The following ZNF785 variants were observed in gnomAD, a reference collection of about 807,000 sequenced individuals.
The protein encoded by ZNF785 is zinc finger protein 785.
Under a neutral mutation model 11.3 loss-of-function variants are expected in ZNF785, and 15 were observed. That is an observed-to-expected ratio of 1.32 (90% CI 0.89 to 2.04). The LOEUF (loss-of-function observed/expected upper bound fraction) is 2.04. Ranked by LOEUF, ZNF785 falls within the 30% of genes most tolerant of loss-of-function variation. ZNF785 has a pLI of 0.00. For synonymous variants in ZNF785, 221 were observed against 231.0 expected (o/e 0.96, Z 0.39); for missense variants, 572 against 560.9 (o/e 1.02, Z -0.20).
rs1476330328 is a variant in ZNF785, at chr16:30,585,417, C to T, written c.195G>A (p.Leu65=). The T allele has an allele frequency of 1.3e-6, 2 of 1,590,726 alleles. No homozygotes were observed. Among genetic ancestry groups the T allele is most frequent in the Non-Finnish European group, 1.7e-6 (2 of 1,169,804 alleles). Residue 65 remains leucine, a synonymous_variant, in exon 1 of 3, where the codon CTG becomes CTA. Transcript: ENST00000395216. This position sits in a 1 kb window ranked among gnomAD's most constrained non-coding sequence, Gnocchi z 4.0. ...AGGGCCCGGCCTCACCCAGCGCGCC[C>T]AGGTGGCCGAAGGTCTCCCGCATCA... ...RDVMRETFGH[L]GALGFSVPKP...
Position 30,583,387 on chromosome 16 carries a change from CTTTTTGTTTT to C in ZNF785, c.381_390del (p.Lys128ArgfsTer28), listed in dbSNP as rs535168451. ...TTGACAGCCACTTCATGCGCCACCTCTTTTTGTTTTGGACACTTCTTCAGCCTTTCCTTCT... is the reference window on the plus strand; with the variant it reads ...TTGACAGCCACTTCATGCGCCACCTCGGACACTTCTTCAGCCTTTCCTTCT... On this transcript the variant is annotated frameshift_variant, in exon 3 of 3. Coordinates refer to ENST00000395216, the MANE Select transcript of ZNF785 (RefSeq NM_152458.7). LOFTEE classifies it low-confidence loss of function (END_TRUNC). 3.5e-4 allele frequency: 554 copies of C among 1,604,062 alleles called. 5 individuals carry two copies. The Middle Eastern group carries it at 7.9e-3, about 23-fold the overall frequency.
At chr16:30,579,809 C>G (rs571496780), downstream of ZNF785, 1 of 456,058 alleles carries the variant, frequency 2.2e-6, no homozygotes, top group African/African-American at 2.0e-5. Context: ...TTTGTTCATT[C>G]CTTCAAAAGT....
At chr16:30,583,561 A>C in intron 2 of ZNF785, 118 bp from the exon 3 acceptor site, 1 of 1,381,320 alleles carries the variant, frequency 7.2e-7, no homozygotes, top group Non-Finnish European at 9.8e-7. Context: ...GGCAGCAGGA[A>C]TGGTTCAGAA....
In ZNF785 at chr16:30,585,271, G is replaced by T. The variant is rs145414236; in HGVS notation, c.206-21C>A. 3.5e-3 allele frequency: 5,618 copies of T among 1,612,594 alleles called. 159 individuals are homozygous for T. In the African/African-American group the frequency reaches 0.062, roughly 18 times the overall value. On this transcript the variant is annotated intron_variant, in intron 1 of 2. Coordinates refer to ENST00000395216, the MANE Select transcript of ZNF785 (RefSeq NM_152458.7). The surrounding 1 kb of genome is among the most constrained non-coding windows in gnomAD (Gnocchi z 4.0). ...AAATCCTGCGAAGGAGAAACAATGG[G>T]CTCGGCTGAGCGCACGGGAGGGGAG...
chr16:30,585,654 G>A lies in ZNF785; in HGVS notation c.-43C>T, dbSNP rs953600522. 2.1e-6 allele frequency: 3 copies of A among 1,448,172 alleles called. No homozygotes were observed. Among genetic ancestry groups the A allele is most frequent in the Admixed American group, 5.7e-5 (2 of 35,352 alleles). The allele number at this position is 1,448,172 out of a possible 1,614,324, so 89.7% of individuals were successfully genotyped here. ...TGGCAAAGGGAGGCTTCCGGGGAAGGTGGAGATGCTGGCGCTTTCCTGTCT... is the reference window on the plus strand; with the variant it reads ...TGGCAAAGGGAGGCTTCCGGGGAAGATGGAGATGCTGGCGCTTTCCTGTCT... On this transcript the variant is annotated 5_prime_UTR_variant, in exon 1 of 3. Coordinates refer to ENST00000395216, the MANE Select transcript of ZNF785 (RefSeq NM_152458.7). This position sits in a 1 kb window ranked among gnomAD's most constrained non-coding sequence, Gnocchi z 4.0.
In ZNF785 at chr16:30,582,776, G is replaced by C; in HGVS notation, c.1002C>G (p.His334Gln). ...SSLLLSHRRI[H>Q]SDSRPFPCVE... The stretch of plus-strand genomic sequence containing the variant: ...CGCAGGGGAAGGGCCGGCTGTCGGA[G>C]TGAATGCGCCGGTGACTGAGGAGGA... The change falls in exon 3 of 3, where the codon CAC becomes CAG. Residue 334 changes from histidine to glutamine, a missense_variant. Transcript: ENST00000395216. The C allele has an allele frequency of 1.2e-6, 2 of 1,607,466 alleles. No individual in the cohort carries two copies. The highest frequency in any genetic ancestry group is 1.7e-6 in the Non-Finnish European group (2 of 1,175,574).
At chr16:30,579,613 C>T (rs924037537), downstream of ZNF785, 7 of 345,702 alleles carry the variant, frequency 2.0e-5, no homozygotes, top group African/African-American at 1.5e-4. Context: ...CTCCTGACCT[C>T]AAGTGATTAA....
At position 30,583,008 on chromosome 16, in the gene ZNF785, G is replaced by A. The variant is rs1407515380; in HGVS notation, c.770C>T (p.Ala257Val). The A allele has an allele frequency of 2.5e-6, 4 of 1,614,086 alleles. No homozygotes were observed. Among genetic ancestry groups the A allele is most frequent in the African/African-American group, 2.7e-5 (2 of 75,014 alleles). ...GAAGCGACTCTTGCAGTCTGAGCAC[G>A]CGTAAGGCTTCTCCCCGGTGTGAGC... ...RRAHTGEKPYACSDCKSRFTY... is the reference protein window; with the variant it reads ...RRAHTGEKPYVCSDCKSRFTY... The change falls in exon 3 of 3, where the codon GCG becomes GTG. Residue 257 changes from alanine (A) to valine (V), a missense_variant. Transcript: ENST00000395216.
Position 30,585,059 on chromosome 16 carries a change from G to T in ZNF785, c.334+63C>A. ...TTTGGAGGGGGCAGCCTGCGCTGAG[G>T]ATGTGAGTGAGTTGGGGGCGGGGGT... On this transcript the variant is annotated intron_variant, in intron 2 of 2. Transcript: ENST00000395216. This position sits in a 1 kb window ranked among gnomAD's most constrained non-coding sequence, Gnocchi z 4.0. 1 of 1,562,340 alleles carries T rather than the reference G, an allele frequency of 6.4e-7. No homozygotes were observed. The highest frequency in any genetic ancestry group is 8.7e-7 in the Non-Finnish European group (1 of 1,150,252).
Position 30,582,928 on chromosome 16 carries a change from A to G in ZNF785, c.850T>C (p.Tyr284His). The G allele has an allele frequency of 6.2e-7, 1 of 1,613,922 alleles. No individual in the cohort carries two copies. Among genetic ancestry groups the G allele is most frequent in the Admixed American group, 1.7e-5 (1 of 59,992 alleles). The change falls in exon 3 of 3, where the codon TAC (tyrosine) becomes CAC (histidine). Residue 284 changes from tyrosine to histidine, a missense_variant. Coordinates refer to ENST00000395216, the MANE Select transcript of ZNF785 (RefSeq NM_152458.7). Reference protein sequence around the residue: ...HQRKHTGEKPYSCPDCSLRFA... With the variant: ...HQRKHTGEKPHSCPDCSLRFA... Reference sequence around the variant, plus strand: ...CGGAGGCTGCAATCGGGGCAGCTGTAGGGCTTCTCGCCCGTGTGCTTGCGC... The same window carrying G: ...CGGAGGCTGCAATCGGGGCAGCTGTGGGGCTTCTCGCCCGTGTGCTTGCGC...
rs1199988889 is a variant in ZNF785 at position 30,582,084 on chromosome 16, CA to C, written c.*475del. ...TGGGCGACAGAGCATGACTCCATCT[CA>C]AAAAAAAGAAAAGAATCCTGGGATG... On this transcript the variant is annotated 3_prime_UTR_variant, in exon 3 of 3. Transcript: ENST00000395216. 5.7e-5 allele frequency: 9 copies of C among 157,676 alleles called. No individual in the cohort carries two copies. Among genetic ancestry groups the C allele is most frequent in the South Asian group, 3.8e-4 (2 of 5,268 alleles). 9.8% of individuals were successfully genotyped at this position (157,676 alleles called of 1,614,324 possible).
intron 2 of ZNF785, among the ~76,000 whole-genome samples, chr16:30,584,391 C>T (rs1463028230): frequency 6.6e-6 from 1 of 152,144 alleles, no homozygotes; most frequent in East Asian, 1.9e-4. Flanking sequence ...GTGACTTACG[C>T]CTGTAATCCC....
chr16:30,582,672 CG>C lies in ZNF785; in HGVS notation c.1105del (p.Arg369AlafsTer61). 16 of 1,614,174 alleles carry C rather than the reference CG, an allele frequency of 9.9e-6. No homozygotes were observed. Among genetic ancestry groups the C allele is most frequent in the Non-Finnish European group, 1.4e-5 (16 of 1,180,048 alleles). ...CCCCACCACGGCCTGCTGCCACGCG[CG>C]CCTCTCGCTGCAGGAGCGGTGGATC... is the stretch of plus-strand genomic sequence containing the variant. ...RWIHRSCSER[R>X]AWQQAVVGRS... On this transcript the variant is annotated frameshift_variant, in exon 3 of 3. Transcript: ENST00000395216. LOFTEE classifies it low-confidence loss of function (END_TRUNC).
intron 2 of ZNF785, chr16:30,583,845 T>TA (rs57893410): frequency 0.067 from 8,184 of 122,164 alleles, 536 homozygotes; most frequent in African/African-American, 0.19. Flanking sequence ...AACTCTCTAA[T>TA]AAAAAAAAAA....
At chr16:30,578,792 A>G (rs1171731412), downstream of ZNF785, 3 of 151,888 alleles carry the variant, frequency 2.0e-5, no homozygotes, top group African/African-American at 7.3e-5. Flanking sequence ...TGGCCTACCA[A>G]AGTGCTGGGA....
rs1449578377 is a variant in ZNF785 at position 30,582,607 on chromosome 16, G to A, written c.1171C>T (p.Pro391Ser). 1.2e-6 allele frequency: 2 copies of A among 1,614,148 alleles called. No individual in the cohort carries two copies. Among genetic ancestry groups the A allele is most frequent in the South Asian group, 1.1e-5 (1 of 91,086 alleles). Residue 391 changes from proline to serine, a missense_variant, in exon 3 of 3, where the codon CCA (proline) becomes TCA (serine). Pro to Ser is a moderately conservative substitution (Grantham distance 74, BLOSUM62 -1). Transcript: ENST00000395216. ...PIPVLGGKDP[P>S]VHFRHFPDIF... ...TCTGGAAAGTGCCGGAAGTGAACTG[G>A]GGGATCCTTGCCTCCCAAAACAGGG...
At chr16:30,579,372 C>A (rs17839550), downstream of ZNF785, 1,243 of 164,156 alleles carry the variant, frequency 7.6e-3, 15 homozygotes, top group African/African-American at 0.028. Context: ...AAAGATAACA[C>A]CCCGTTCCCA....
chr16:30,583,023 C>G lies in ZNF785; in HGVS notation c.755G>C (p.Gly252Ala). 6.2e-7 allele frequency: 1 copy of G among 1,613,048 alleles called. No individual in the cohort carries two copies. The highest frequency in any genetic ancestry group is 8.5e-7 in the Non-Finnish European group (1 of 1,179,842). Residue 252 changes from glycine to alanine, a missense_variant, in exon 3 of 3, where the codon GGG becomes GCG. Physicochemically the swap from Gly to Ala is moderately conservative, Grantham distance 60. Transcript: ENST00000395216. ...SLAIHRRAHT[G>A]EKPYACSDCK... Reference sequence around the variant, plus strand: ...GTCTGAGCACGCGTAAGGCTTCTCCCCGGTGTGAGCCCGCCTGTGGATAGC... The same window carrying G: ...GTCTGAGCACGCGTAAGGCTTCTCCGCGGTGTGAGCCCGCCTGTGGATAGC...
In ZNF785 at chr16:30,585,074, G is replaced by A. The variant is rs1292305390; in HGVS notation, c.334+48C>T. On this transcript the variant is annotated intron_variant, in intron 2 of 2. Transcript: ENST00000395216. This position sits in a 1 kb window ranked among gnomAD's most constrained non-coding sequence, Gnocchi z 4.0. Reference sequence around the variant, plus strand: ...CTGCGCTGAGGATGTGAGTGAGTTGGGGGCGGGGGTTGGGGCTTCTCCACG... The same window carrying A: ...CTGCGCTGAGGATGTGAGTGAGTTGAGGGCGGGGGTTGGGGCTTCTCCACG... The A allele has an allele frequency of 3.2e-6, 5 of 1,575,252 alleles. No homozygotes were observed. The South Asian group carries it at 4.6e-5, about 15-fold the overall frequency.
Sources: allele counts gnomAD v4.1 joint callset (sites outside exome capture counted in the v4.1 genomes callset), GRCh38; gene constraint gnomAD v4.1.1; non-coding constraint Gnocchi (gnomAD v3.1); transcripts MANE v1.5; gene names NCBI Gene and HGNC (gene_info 2026-07-23, HGNC 2026-07-21).